ZNF347: variants seen among roughly 807,000 people sequenced by gnomAD.
ZNF347 encodes zinc finger protein 347.
ZNF347 carries 19 observed loss-of-function variants against 12.9 expected under a neutral mutation model. The ratio of observed to expected loss-of-function variants is 1.47; its 90% confidence interval spans 1.03 to 2.16. The LOEUF (loss-of-function observed/expected upper bound fraction) is 2.16, where lower values mean the gene tolerates loss of function less well. Among genes scored for constraint, ZNF347 ranks in the 30% most tolerant of loss-of-function variants. The pLI, the probability that ZNF347 is intolerant of heterozygous loss-of-function variation, is 0.00. For missense variants in ZNF347, 1,005 were observed against 990.6 expected, an observed-to-expected ratio of 1.01 and a Z score of -0.19; for synonymous variants, 328 against 340.6, an observed-to-expected ratio of 0.96 and a Z score of 0.41.
In ZNF347 at chr19:53,135,344, A is replaced by AGT. The variant is rs2090382213; in HGVS notation, c.*4963_*4964insAC. 8.9e-6 allele frequency: 1 copy of AGT among 112,390 alleles called. No individual in the cohort carries two copies. Among genetic ancestry groups the AGT allele is most frequent in the African/African-American group, 3.3e-5 (1 of 29,926 alleles). 7.0% of individuals were successfully genotyped at this position (112,390 alleles called of 1,614,324 possible). A position where few individuals can be genotyped will look rare whatever the true frequency, so the allele number is the denominator to read the frequency against. On this transcript the variant is annotated 3_prime_UTR_variant, in exon 5 of 5. Transcript: ENST00000334197. Reference sequence around the variant, plus strand: ...TATATATATATATATATATATAGAGAGAGAGAGAGAGAGAGAGAGAGAGAA... The same window carrying AGT: ...TATATATATATATATATATATAGAGAGTGAGAGAGAGAGAGAGAGAGAGAGAA...
rs1568636667 is a variant in ZNF347 at position 53,141,604 on chromosome 19, C to T, written c.1224G>A (p.Lys408=). The T allele has an allele frequency of 1.9e-6, 3 of 1,614,014 alleles. No homozygotes were observed. The highest frequency in any genetic ancestry group is 2.5e-6 in the Non-Finnish European group (3 of 1,179,958). The change falls in exon 5 of 5, where the codon AAG becomes AAA. Residue 408 remains lysine, a synonymous_variant. Coordinates refer to ENST00000334197, the MANE Select transcript of ZNF347 (RefSeq NM_032584.3). ...EKPYKCNECG[K]VFTQNSHLTN... is the part of the protein sequence containing the mutation. ...TAAGGTGTGAATTTTGAGTGAAGAC[C>T]TTGCCACATTCATTACATTTGTAAG... is the stretch of plus-strand genomic sequence containing the variant.
At chr19:53,149,765 C>A (rs569884598) in intron 2 of ZNF347, among the ~76,000 whole-genome samples, 14 of 152,202 alleles carry the variant, frequency 9.2e-5, no homozygotes, top group African/African-American at 3.4e-4. Context: ...CTTAATGAAG[C>A]CCCCATAATA....
rs543069543 is a variant in ZNF347 at position 53,138,396 on chromosome 19, C to T, written c.*1912G>A. ...GCTCTCAAAGTGCTAGGATTACAGG[C>T]ATGAACCACCACACCCAGCCCATAC... On this transcript the variant is annotated 3_prime_UTR_variant, in exon 5 of 5. Coordinates refer to ENST00000334197, the MANE Select transcript of ZNF347 (RefSeq NM_032584.3). 2 of 151,420 alleles carry T rather than the reference C, an allele frequency of 1.3e-5. No individual in the cohort carries two copies. The highest frequency in any genetic ancestry group is 4.8e-5 in the African/African-American group (2 of 41,240). 9.4% of individuals were successfully genotyped at this position (151,420 alleles called of 1,614,324 possible).
chr19:53,158,182 C>T lies in ZNF347; in HGVS notation c.-47+827G>A, dbSNP rs572253095. Among the ~76,000 whole-genome samples the T allele has an allele frequency of 5.0e-3, 767 of 152,298 alleles. 7 individuals carry two copies. The highest frequency in any genetic ancestry group is 8.6e-3 in the Admixed American group (132 of 15,294). On this transcript the variant is annotated intron_variant, in intron 1 of 4. Transcript: ENST00000334197. ...CGGGTGTCACAGGACAGGCCCCGGG[C>T]ACCTCCCCAGCGCGGGCTCAGGAGA...
chr19:53,149,364 G>C lies in ZNF347; in HGVS notation c.19C>G (p.Gln7Glu), dbSNP rs2090483536. ...ATAGCCACATCCCTGAATGTCACCT[G>C]TCCCTAAAATGAAAAACACATCCAC... MALTQG[Q>E]VTFRDVAIEF... The change falls in exon 3 of 5, where the codon CAG (glutamine) becomes GAG (glutamate). Residue 7 changes from glutamine to glutamate, a missense_variant. Transcript: ENST00000334197. 6.2e-7 allele frequency: 1 copy of C among 1,613,698 alleles called. No individual in the cohort carries two copies. Among genetic ancestry groups the C allele is most frequent in the Non-Finnish European group, 8.5e-7 (1 of 1,179,782 alleles).
chr19:53,155,728 GA>G (rs1488711383), intron 1 of ZNF347, among the ~76,000 whole-genome samples: 15 of 150,890 alleles, frequency 9.9e-5, no homozygotes, highest in South Asian at 2.1e-4. Flanking sequence ...GATTGTGAAG[GA>G]AAAAAAAAGT....
chr19:53,157,978 C>A (rs749793511), intron 1 of ZNF347, among the ~76,000 whole-genome samples: 1 of 152,188 alleles, frequency 6.6e-6, no homozygotes, highest in Non-Finnish European at 1.5e-5. Flanking sequence ...ACTTTGCCAT[C>A]TGGTTACGGG....
chr19:53,157,445 GTTCTT>G (rs1387300506), intron 1 of ZNF347, among the ~76,000 whole-genome samples: 1 of 151,546 alleles, frequency 6.6e-6, no homozygotes, highest in Admixed American at 6.6e-5. Flanking sequence ...TTTTCCCCTG[GTTCTT>G]TGCGCGTCGT....
intron 2 of ZNF347, among the ~76,000 whole-genome samples, chr19:53,150,152 A>C (rs1219867333): frequency 6.6e-6 from 1 of 152,062 alleles, no homozygotes; most frequent in African/African-American, 2.4e-5. Context: ...AAGTGGGCAC[A>C]CTCTTGTTGG....
At position 53,141,907 on chromosome 19, in the gene ZNF347, AT is replaced by A. The variant is rs1214780057; in HGVS notation, c.920del (p.His307LeufsTer3). 25 of 1,613,854 alleles carry A rather than the reference AT, an allele frequency of 1.5e-5. No homozygotes were observed. The highest frequency in any genetic ancestry group is 2.1e-5 in the Non-Finnish European group (25 of 1,179,938). On this transcript the variant is annotated frameshift_variant, in exon 5 of 5. Transcript: ENST00000334197. LOFTEE classifies it low-confidence loss of function (END_TRUNC). ...AFRTRSNLTTHQVIHTGEKRY... is the reference protein window; with the variant it reads ...AFRTRSNLTTXQVIHTGEKRY... ...GTTTTTCGCCAGTATGGATCACCTGATGGGTAGTTAGGTTTGAACGTGTTCT... is the reference window on the plus strand; with the variant it reads ...GTTTTTCGCCAGTATGGATCACCTGAGGGTAGTTAGGTTTGAACGTGTTCT...
chr19:53,154,321 A>T (rs1174231393), intron 1 of ZNF347, among the ~76,000 whole-genome samples: 1 of 146,654 alleles, frequency 6.8e-6, no homozygotes, highest in Non-Finnish European at 1.5e-5. Context: ...ATTTCTCTTA[A>T]AAAAAAAAAG....
chr19:53,148,080 T>C (rs2090474387), intron 4 of ZNF347, among the ~76,000 whole-genome samples: 4 of 152,202 alleles, frequency 2.6e-5, no homozygotes, highest in Admixed American at 2.6e-4. Flanking sequence ...ACTGAAAGCC[T>C]TTCTGCTAAG....
chr19:53,156,305 A>T (rs2146817720), intron 1 of ZNF347, among the ~76,000 whole-genome samples: 1 of 152,098 alleles, frequency 6.6e-6, no homozygotes, highest in African/African-American at 2.4e-5. Context: ...AGGCTGAGGC[A>T]GGCAGGAGAA....
Position 53,141,822 on chromosome 19 carries a change from G to C in ZNF347, c.1006C>G (p.Gln336Glu). ...FSRNSQLSQH[Q>E]KIHTGEKPYK... The stretch of plus-strand genomic sequence containing the variant: ...GGTTTCTCTCCAGTGTGAATTTTCT[G>C]ATGTTGTGAGAGTTGTGAATTTCGA... The change falls in exon 5 of 5, where the codon CAG becomes GAG. Residue 336 changes from glutamine (Q) to glutamate (E), a missense_variant. Gln to Glu is a conservative substitution (Grantham distance 29). Coordinates refer to ENST00000334197, the MANE Select transcript of ZNF347 (RefSeq NM_032584.3). The C allele has an allele frequency of 6.2e-7, 1 of 1,613,980 alleles. No individual in the cohort carries two copies. The highest frequency in any genetic ancestry group is 8.5e-7 in the Non-Finnish European group (1 of 1,179,960).
intron 4 of ZNF347, among the ~76,000 whole-genome samples, chr19:53,147,288 T>C (rs1273197373): frequency 6.6e-6 from 1 of 152,044 alleles, no homozygotes; most frequent in Non-Finnish European, 1.5e-5. Flanking sequence ...GGCAGGAGAA[T>C]CATTTGAACC....
In ZNF347 at chr19:53,155,847, CACT is replaced by C. The variant is rs1309186238; in HGVS notation, c.-46-2057_-46-2055del. On this transcript the variant is annotated intron_variant, in intron 1 of 4. Coordinates refer to ENST00000334197, the MANE Select transcript of ZNF347 (RefSeq NM_032584.3). ...GAAGCAGGAACAGGCCATTCCCAGTCACTACTGAGTAGAGATCACAGGTCCTGA... is the reference window on the plus strand; with the variant it reads ...GAAGCAGGAACAGGCCATTCCCAGTCACTGAGTAGAGATCACAGGTCCTGA... 2.0e-5 allele frequency among the ~76,000 whole-genome samples: 3 copies of C among 152,180 alleles called. No homozygotes were observed. In the East Asian group the frequency reaches 5.8e-4, roughly 29 times the overall value.
rs982121141 is a variant in ZNF347 at position 53,137,455 on chromosome 19, C to G, written c.*2853G>C. 12 of 152,162 alleles carry G rather than the reference C, an allele frequency of 7.9e-5. No homozygotes were observed. Among genetic ancestry groups the G allele is most frequent in the Admixed American group, 7.9e-4 (12 of 15,272 alleles). 9.4% of individuals were successfully genotyped at this position (152,162 alleles called of 1,614,324 possible). ...CCCAAGCAAGTTATTTATCCCTGCT[C>G]TCTCAAGCCATTTTGGACCAGTTTG... On this transcript the variant is annotated 3_prime_UTR_variant, in exon 5 of 5. Coordinates refer to ENST00000334197, the MANE Select transcript of ZNF347 (RefSeq NM_032584.3).
intron 4 of ZNF347, among the ~76,000 whole-genome samples, chr19:53,142,819 A>T (rs2090438488): frequency 6.6e-6 from 1 of 152,156 alleles, no homozygotes; most frequent in Non-Finnish European, 1.5e-5. Context: ...GTAGCCAGCA[A>T]AGCAATCGTT....
chr19:53,144,707 T>C (rs921848711), intron 4 of ZNF347, among the ~76,000 whole-genome samples: 1 of 152,292 alleles, frequency 6.6e-6, no homozygotes, highest in Middle Eastern at 3.4e-3. Context: ...GAGTTCACAG[T>C]GCACTGCAGC....
Sources: gnomAD v4.1 joint callset for allele counts (sites outside exome capture counted in the v4.1 genomes callset) on GRCh38, gnomAD v4.1.1 for gene constraint, MANE v1.5 for transcripts, NCBI Gene and HGNC (gene_info 2026-07-23, HGNC 2026-07-21) for gene names.